UBE2E2: variants seen among roughly 807,000 people sequenced by gnomAD.
The protein encoded by UBE2E2 is ubiquitin conjugating enzyme E2 E2.
In UBE2E2, 6 loss-of-function variants were observed where a neutral mutation model predicts 24.7. The observed-to-expected ratio is 0.24, with a 90% CI of 0.13 to 0.48. The LOEUF (loss-of-function observed/expected upper bound fraction) is 0.48. Ranked by LOEUF, UBE2E2 falls within the 20% of genes least tolerant of loss-of-function variation. The pLI, the probability that UBE2E2 is intolerant of heterozygous loss-of-function variation, is 0.99. For synonymous variants in UBE2E2, 104 were observed against 83.6 expected, an observed-to-expected ratio of 1.24 and a Z score of -1.33; for missense variants, 169 against 245.0, an observed-to-expected ratio of 0.69 and a Z score of 2.07.
At chr3:23,337,315 C>T (rs539513722) in intron 3 of UBE2E2, among the ~76,000 whole-genome samples, 15 of 152,142 alleles carry the variant, frequency 9.9e-5, no homozygotes, top group East Asian at 3.9e-4. Flanking sequence ...AGCTAATTTT[C>T]GATAATATCT....
intron 3 of UBE2E2, among the ~76,000 whole-genome samples, chr3:23,470,819 T>G (rs1482703052): frequency 1.2e-5 from 1 of 84,190 alleles, no homozygotes; most frequent in Admixed American, 8.7e-5. Flanking sequence ...TAAAAATATA[T>G]ATATTTTTTT....
intron 3 of UBE2E2, among the ~76,000 whole-genome samples, chr3:23,336,003 C>T (rs1695199138): frequency 6.6e-6 from 1 of 152,212 alleles, no homozygotes; most frequent in Admixed American, 6.5e-5. Context: ...TTCTCTCAGA[C>T]ATGAGTGATT....
chr3:23,440,665 C>A (rs1698284961), intron 3 of UBE2E2, among the ~76,000 whole-genome samples: 1 of 152,130 alleles, frequency 6.6e-6, no homozygotes, highest in African/African-American at 2.4e-5. Flanking sequence ...AAAGTAAGAT[C>A]AGCCTAAATG....
At chr3:23,513,883 G>C (rs1310474207) in intron 4 of UBE2E2, among the ~76,000 whole-genome samples, 1 of 151,978 alleles carries the variant, frequency 6.6e-6, no homozygotes, top group East Asian at 1.9e-4. Context: ...AGTGTGAAGA[G>C]TTTCCATATA....
chr3:23,265,497 T>A (rs531134694), intron 3 of UBE2E2, among the ~76,000 whole-genome samples: 3 of 151,806 alleles, frequency 2.0e-5, no homozygotes, highest in Non-Finnish European at 2.9e-5. Context: ...GGACTAGGGG[T>A]AAAACATGGA....
chr3:23,483,928 G>A (rs1031023831), intron 3 of UBE2E2, among the ~76,000 whole-genome samples: 5 of 152,184 alleles, frequency 3.3e-5, no homozygotes, highest in South Asian at 2.1e-4. Flanking sequence ...CACAAACACA[G>A]CGGAGTTTGT....
chr3:23,435,955 CGTTA>C (rs971831651), intron 3 of UBE2E2, among the ~76,000 whole-genome samples: 1 of 152,040 alleles, frequency 6.6e-6, no homozygotes, highest in Admixed American at 6.5e-5. Context: ...GATCATCAAG[CGTTA>C]GTTAGATTCT....
chr3:23,565,363 A>G lies in UBE2E2; in HGVS notation c.509-24371A>G, dbSNP rs1318148904. Among the ~76,000 whole-genome samples, 3 of 151,236 alleles carry G rather than the reference A, an allele frequency of 2.0e-5. No homozygotes were observed. In the East Asian group the frequency reaches 5.8e-4, roughly 29 times the overall value. ...TGTGCAGTCTTTTAGAGAGAGGCCC[A>G]ACTCTAATTATTACACTCTCATGAA... On this transcript the variant is annotated intron_variant, in intron 5 of 5. Transcript: ENST00000396703.
At chr3:23,577,494 A>G (rs1290818913) in intron 5 of UBE2E2, among the ~76,000 whole-genome samples, 1 of 152,192 alleles carries the variant, frequency 6.6e-6, no homozygotes, top group Non-Finnish European at 1.5e-5. Context: ...AGCTGCAGAA[A>G]AAAAGTTGGA....
chr3:23,517,884 C>T (rs200011737), intron 4 of UBE2E2, among the ~76,000 whole-genome samples: 7 of 152,016 alleles, frequency 4.6e-5, no homozygotes, highest in East Asian at 1.9e-4. Context: ...AGGAAAACAG[C>T]GGCCTAGAGT....
chr3:23,479,089 G>A (rs1475479936), intron 3 of UBE2E2, among the ~76,000 whole-genome samples: 4 of 152,066 alleles, frequency 2.6e-5, no homozygotes, highest in Non-Finnish European at 4.4e-5. Context: ...TCTGTGGTAG[G>A]TGGTGCCTTT....
chr3:23,560,361 C>G (rs1470603428), intron 5 of UBE2E2, among the ~76,000 whole-genome samples: 1 of 152,034 alleles, frequency 6.6e-6, no homozygotes, highest in East Asian at 1.9e-4. Flanking sequence ...ATGATGGTTT[C>G]CAGCTTCATC....
At chr3:23,563,184 C>A (rs1435863715) in intron 5 of UBE2E2, among the ~76,000 whole-genome samples, 2 of 152,128 alleles carry the variant, frequency 1.3e-5, no homozygotes, top group Non-Finnish European at 2.9e-5. Context: ...TTAGATCTTT[C>A]CTGCTTTCTC....
At chr3:23,227,997 G>C (rs1575486446) in intron 3 of UBE2E2, among the ~76,000 whole-genome samples, 1 of 152,134 alleles carries the variant, frequency 6.6e-6, no homozygotes, top group East Asian at 1.9e-4. Flanking sequence ...AAGGCTGGCT[G>C]CTTGTTATTT....
At chr3:23,531,465 G>A (rs537945426) in intron 4 of UBE2E2, among the ~76,000 whole-genome samples, 11 of 151,964 alleles carry the variant, frequency 7.2e-5, no homozygotes, top group Admixed American at 2.0e-4. Flanking sequence ...AATTATTTTC[G>A]TAGTTATAAA....
intron 3 of UBE2E2, among the ~76,000 whole-genome samples, chr3:23,254,902 CT>C (rs141615120): frequency 0.03 from 4,508 of 151,526 alleles, 118 homozygotes; most frequent in East Asian, 0.14. Flanking sequence ...TTCTTTAAGG[CT>C]TTTTTTTTCC....
chr3:23,525,835 T>G (rs1694983849), intron 4 of UBE2E2, among the ~76,000 whole-genome samples: 1 of 152,180 alleles, frequency 6.6e-6, no homozygotes, highest in South Asian at 2.1e-4. Flanking sequence ...GAGATCGGAG[T>G]AGTCTTGTAG....
At chr3:23,226,035 A>G (rs1471691527) in intron 3 of UBE2E2, among the ~76,000 whole-genome samples, 2 of 152,090 alleles carry the variant, frequency 1.3e-5, no homozygotes, top group African/African-American at 2.4e-5. Flanking sequence ...GCATGCCACC[A>G]TGCATGGCTA....
intron 3 of UBE2E2, among the ~76,000 whole-genome samples, chr3:23,441,296 G>A (rs1358227060): frequency 1.3e-5 from 2 of 151,172 alleles, no homozygotes; most frequent in African/African-American, 2.4e-5. Flanking sequence ...AGGCCAAGGC[G>A]GGCAGATCAC....
Sources: allele counts gnomAD v4.1 joint callset (sites outside exome capture counted in the v4.1 genomes callset), GRCh38; gene constraint gnomAD v4.1.1; transcripts MANE v1.5; gene names NCBI Gene and HGNC (gene_info 2026-07-23, HGNC 2026-07-21).